Variants in NEURL1 observed in about 807,000 individuals in gnomAD.
NEURL1 encodes the protein E3 ubiquitin-protein ligase NEURL1.
NEURL1 carries 26 observed loss-of-function variants against 41.2 expected under a neutral mutation model. The observed-to-expected ratio is 0.63, with a 90% CI of 0.46 to 0.87. The LOEUF (loss-of-function observed/expected upper bound fraction) is 0.87, where lower values mean the gene tolerates loss of function less well. NEURL1 is among the 40% of genes least tolerant of loss of function. The pLI is 0.00. For missense variants in NEURL1, 761 were observed against 871.1 expected (o/e 0.87, Z 1.59); for synonymous variants, 400 against 402.3 (o/e 0.99, Z 0.07).
intron 1 of NEURL1, among the ~76,000 whole-genome samples, chr10:103,498,433 A>G (rs1014656561): frequency 5.3e-5 from 8 of 152,030 alleles, no homozygotes; most frequent in South Asian, 2.1e-4. Context: ...TCACCGTGTT[A>G]GCCAGGATGG....
intron 4 of NEURL1, among the ~76,000 whole-genome samples, chr10:103,588,198 C>T (rs1240893669): frequency 6.6e-6 from 1 of 151,430 alleles, no homozygotes; most frequent in African/African-American, 2.4e-5. Context: ...CCCAGCTACT[C>T]AGGAGGCTGA....
chr10:103,500,462 G>C (rs752610398), intron 1 of NEURL1, among the ~76,000 whole-genome samples: 1 of 152,176 alleles, frequency 6.6e-6, no homozygotes, highest in African/African-American at 2.4e-5. Context: ...TATTGTGATC[G>C]CTGTATTATC....
intron 1 of NEURL1, among the ~76,000 whole-genome samples, chr10:103,563,010 C>G (rs1453442481): frequency 6.6e-6 from 1 of 152,174 alleles, no homozygotes; most frequent in Non-Finnish European, 1.5e-5. Context: ...GCTTTCCAAC[C>G]ATTCTCCTAA....
rs2035911746 is a variant in NEURL1 at position 103,585,827 on chromosome 10, C to T, written c.1339+602C>T. Among the ~76,000 whole-genome samples the T allele has an allele frequency of 1.6e-5, 2 of 128,944 alleles. 1 individual carries two copies. The highest frequency in any genetic ancestry group is 5.2e-4 in the South Asian group (2 of 3,816). 84.6% of individuals were successfully genotyped at this position (128,944 alleles called of 152,430 possible). On this transcript the variant is annotated intron_variant, in intron 4 of 5. Coordinates refer to ENST00000369780, the MANE Select transcript of NEURL1 (RefSeq NM_004210.5). ...CAGCCTGGGCGACAGAGTGAGACTC[C>T]GTCTCAAAAAAAAAAAAAAAAAAAG...
At chr10:103,537,451 G>A (rs1286963304) in intron 1 of NEURL1, among the ~76,000 whole-genome samples, 2 of 152,112 alleles carry the variant, frequency 1.3e-5, no homozygotes, top group African/African-American at 4.8e-5. Context: ...CCAGGCTGGA[G>A]TGCAGTGGTG....
chr10:103,585,627 GA>G (rs1293868382), intron 4 of NEURL1, among the ~76,000 whole-genome samples: 1 of 152,122 alleles, frequency 6.6e-6, no homozygotes, highest in Non-Finnish European at 1.5e-5. Flanking sequence ...GAGGTCAGGA[GA>G]TCAAGACCAT....
At chr10:103,571,225 CCA>C in intron 2 of NEURL1, 112 bp downstream of exon 2, 1 of 1,090,970 alleles carries the variant, frequency 9.2e-7, no homozygotes. Context: ...ACCCCCAGCA[CCA>C]CACCCTGCCC....
intron 1 of NEURL1, among the ~76,000 whole-genome samples, chr10:103,537,555 G>A (rs1592205613): frequency 6.6e-6 from 1 of 151,994 alleles, no homozygotes; most frequent in Non-Finnish European, 1.5e-5. Context: ...CACCATGCCC[G>A]GCTAATTTTT....
At chr10:103,549,351 C>T (rs765260752) in intron 1 of NEURL1, among the ~76,000 whole-genome samples, 10 of 152,356 alleles carry the variant, frequency 6.6e-5, no homozygotes, top group African/African-American at 1.2e-4. Context: ...CCCCCGAGGA[C>T]GCCCTCTGGG....
In NEURL1 at chr10:103,511,467, G is replaced by A. The variant is rs546443337; in HGVS notation, c.85+16995G>A. On this transcript the variant is annotated intron_variant, in intron 1 of 5. Coordinates refer to ENST00000369780, the MANE Select transcript of NEURL1 (RefSeq NM_004210.5). The stretch of plus-strand genomic sequence containing the variant: ...GTGCAAGGAGGGAAGAGGAAAGGTA[G>A]GCAGGATAGAATGCACTGTAGCCAA... Among the ~76,000 whole-genome samples, 3 of 152,356 alleles carry A rather than the reference G, an allele frequency of 2.0e-5. No individual in the cohort carries two copies. The South Asian group carries it at 6.2e-4, about 32-fold the overall frequency.
At chr10:103,571,325 T>G (rs1349942539) in intron 2 of NEURL1, among the ~76,000 whole-genome samples, 176 bp from the exon 3 acceptor site, 5 of 152,090 alleles carry the variant, frequency 3.3e-5, no homozygotes, top group Non-Finnish European at 7.4e-5. Flanking sequence ...GGGAGGGCGG[T>G]GGCCGTGGGA....
In NEURL1 at chr10:103,571,644, G is replaced by C; in HGVS notation, c.471G>C (p.Leu157=). 6.2e-7 allele frequency: 1 copy of C among 1,614,164 alleles called. No individual in the cohort carries two copies. The highest frequency in any genetic ancestry group is 8.5e-7 in the Non-Finnish European group (1 of 1,180,024). The part of the protein sequence containing the change: ...VSQSGFWAKA[L]PEEFANEGNI... ...AGAGTGGCTTCTGGGCCAAGGCGCT[G>C]CCTGAGGAGTTTGCCAATGAGGGCA... Residue 157 remains leucine (L), a synonymous_variant, in exon 3 of 6, where the codon CTG becomes CTC. Coordinates refer to ENST00000369780, the MANE Select transcript of NEURL1 (RefSeq NM_004210.5).
rs913057235 is a variant in NEURL1, at chr10:103,558,414, A to C, written c.86-12458A>C. Among the ~76,000 whole-genome samples, 3 of 151,652 alleles carry C rather than the reference A, an allele frequency of 2.0e-5. No homozygotes were observed. The highest frequency in any genetic ancestry group is 2.4e-5 in the African/African-American group (1 of 41,312). ...CTGTGTACCTGTGTGATGTGTCTCT[A>C]ACTGTGGATTGAAGCGACTGTGTGT... On this transcript the variant is annotated intron_variant, in intron 1 of 5. Transcript: ENST00000369780. The surrounding 1 kb of genome is among the most constrained non-coding windows in gnomAD (Gnocchi z 4.2).
chr10:103,502,131 A>G (rs1409348080), intron 1 of NEURL1, among the ~76,000 whole-genome samples: 1 of 152,232 alleles, frequency 6.6e-6, no homozygotes, highest in Non-Finnish European at 1.5e-5. Context: ...GCTGCCCAGA[A>G]ACACTGAGCT....
chr10:103,554,317 T>C (rs962306636), intron 1 of NEURL1, among the ~76,000 whole-genome samples: 7 of 152,202 alleles, frequency 4.6e-5, no homozygotes, highest in African/African-American at 1.7e-4. Context: ...TTGAGAGGTG[T>C]GCATGTAACC....
At chr10:103,546,629 T>C (rs1009156597) in intron 1 of NEURL1, among the ~76,000 whole-genome samples, 2 of 152,230 alleles carry the variant, frequency 1.3e-5, no homozygotes, top group Non-Finnish European at 2.9e-5. Flanking sequence ...TGTTCCCATC[T>C]AGGGTGCTGA....
intron 1 of NEURL1, among the ~76,000 whole-genome samples, chr10:103,495,236 C>A (rs1379742052): frequency 6.6e-6 from 1 of 152,228 alleles, no homozygotes; most frequent in Admixed American, 6.5e-5. Flanking sequence ...GAAGACACTG[C>A]TGGGTCCTCC....
rs1180804698 is a variant in NEURL1 at position 103,584,975 on chromosome 10, C to T, written c.1089C>T (p.Gly363=). The change falls in exon 4 of 6, where the codon GGC becomes GGT. Residue 363 remains glycine (G), a synonymous_variant. Transcript: ENST00000369780. ...TCGGCGTCACCACGTGCGACCCCGG[C>T]ACGCTGCGGCCGGCCGACCTGCCTT... The part of the protein sequence containing the change: ...LSFGVTTCDP[G]TLRPADLPFS... 9 of 1,529,716 alleles carry T rather than the reference C, an allele frequency of 5.9e-6. No homozygotes were observed. The Admixed American group carries it at 9.9e-5, about 17-fold the overall frequency. The allele number at this position is 1,529,716 out of a possible 1,614,324, so 94.8% of individuals were successfully genotyped here.
chr10:103,589,694 C>T (rs750253227), intron 5 of NEURL1, 34 bp downstream of exon 5: 1 of 1,583,304 alleles, frequency 6.3e-7, no homozygotes, highest in Non-Finnish European at 8.6e-7. Context: ...CCTTGGTGAC[C>T]ATGTGGGACT....
Sources: allele counts gnomAD v4.1 joint callset (sites outside exome capture counted in the v4.1 genomes callset), GRCh38; gene constraint gnomAD v4.1.1; non-coding constraint Gnocchi (gnomAD v3.1); transcripts MANE v1.5; gene names NCBI Gene and HGNC (gene_info 2026-07-23, HGNC 2026-07-21).